The following TESK2 variants were observed in gnomAD, a reference collection of about 807,000 sequenced individuals.
The protein encoded by TESK2 is dual specificity testis-specific protein kinase 2.
In TESK2, 39 loss-of-function variants were observed where a neutral mutation model predicts 57.1. The observed-to-expected ratio is 0.68, with a 90% CI of 0.53 to 0.89. The LOEUF is 0.89. Among genes scored for constraint, TESK2 ranks in the 40% least tolerant of loss-of-function variants. TESK2 has a pLI of 0.00. For missense variants in TESK2, 646 were observed against 732.1 expected, an observed-to-expected ratio of 0.88 and a Z score of 1.36; for synonymous variants, 249 against 267.9, an observed-to-expected ratio of 0.93 and a Z score of 0.69.
chr1:45,467,021 G>C (rs1652580667), intron 1 of TESK2, among the ~76,000 whole-genome samples: 1 of 151,984 alleles, frequency 6.6e-6, no homozygotes, highest in Non-Finnish European at 1.5e-5. Context: ...AACTAAAAAT[G>C]AAGACACTAA....
intron 1 of TESK2, among the ~76,000 whole-genome samples, chr1:45,466,993 T>C (rs1652580171): frequency 6.6e-6 from 1 of 152,082 alleles, no homozygotes; most frequent in Non-Finnish European, 1.5e-5. Flanking sequence ...ATATTTATAG[T>C]GAACATCTAA....
At chr1:45,388,717 C>CA (rs746830629) in intron 3 of TESK2, among the ~76,000 whole-genome samples, 2 of 102,752 alleles carry the variant, frequency 1.9e-5, no homozygotes, top group African/African-American at 3.6e-5. Context: ...AGAGGTACGG[C>CA]TTTTTTTTTT....
chr1:45,487,650 C>CA (rs1280143844), intron 1 of TESK2, among the ~76,000 whole-genome samples: 1 of 152,136 alleles, frequency 6.6e-6, no homozygotes, highest in East Asian at 1.9e-4. Context: ...CTAAGTACAC[C>CA]AGCCTCCCTC....
intron 6 of TESK2, 87 bp from the exon 7 acceptor site, chr1:45,347,780 T>A (rs949473879): frequency 3.0e-5 from 45 of 1,503,524 alleles, no homozygotes; most frequent in Non-Finnish European, 3.9e-5. Flanking sequence ...CAAGGATGGG[T>A]ACAGACGAGG....
Position 45,346,992 on chromosome 1 carries a change from A to C in TESK2, c.779T>G (p.Leu260Arg), listed in dbSNP as rs1352112889. 4.3e-6 allele frequency: 7 copies of C among 1,614,068 alleles called. No homozygotes were observed. Among genetic ancestry groups the C allele is most frequent in the Non-Finnish European group, 5.9e-6 (7 of 1,180,022 alleles). ...IARIQADPDYLPRTENFGLDY... is the reference protein window; with the variant it reads ...IARIQADPDYRPRTENFGLDY... ...CTTGCAGCTCACCTCTGTGCGGGGA[A>C]GATAGTCCGGATCGGCCTGGATGCG... is the stretch of plus-strand genomic sequence containing the variant. The change falls in exon 8 of 11, where the codon CTT becomes CGT. Residue 260 changes from leucine to arginine, a missense_variant. Physicochemically the swap from Leu to Arg is moderately radical, Grantham distance 102 (BLOSUM62 -2). Transcript: ENST00000372086.
intron 1 of TESK2, among the ~76,000 whole-genome samples, chr1:45,466,757 C>T (rs1310547912): frequency 1.3e-5 from 2 of 150,850 alleles, no homozygotes; most frequent in Non-Finnish European, 3.0e-5. Flanking sequence ...GGGTTCAAAT[C>T]CTTGCTCCGT....
intron 4 of TESK2, among the ~76,000 whole-genome samples, chr1:45,375,466 C>T (rs904511185): frequency 2.3e-4 from 33 of 145,080 alleles, no homozygotes; most frequent in African/African-American, 8.0e-4. Context: ...AGCCCACCTT[C>T]TTAAATTTTA....
intron 1 of TESK2, among the ~76,000 whole-genome samples, chr1:45,479,494 C>A (rs1188564144): frequency 6.6e-6 from 1 of 151,518 alleles, no homozygotes; most frequent in East Asian, 1.9e-4. Flanking sequence ...TGCAATGGCT[C>A]AATCTCGACT....
chr1:45,460,573 G>A (rs1652294555), intron 1 of TESK2, among the ~76,000 whole-genome samples: 1 of 151,692 alleles, frequency 6.6e-6, no homozygotes, highest in South Asian at 2.1e-4. Context: ...CGGGTGCAGG[G>A]GCTCATTCCT....
chr1:45,357,240 A>T lies in TESK2; in HGVS notation c.394-1791T>A, dbSNP rs200717117. 1.0e-3 allele frequency among the ~76,000 whole-genome samples: 123 copies of T among 122,364 alleles called. 1 individual carries two copies. The East Asian group carries it at 0.011, about 11-fold the overall frequency. The allele number at this position is 122,364 out of a possible 152,430, so 80.3% of individuals were successfully genotyped here. A position where few individuals can be genotyped will look rare whatever the true frequency, so the allele number is the denominator to read the frequency against. On this transcript the variant is annotated intron_variant, in intron 4 of 10. Coordinates refer to ENST00000372086, the MANE Select transcript of TESK2 (RefSeq NM_007170.3). The stretch of plus-strand genomic sequence containing the variant: ...AAATAAATAAATAAATAAATAAATA[A>T]ATGTATGTATGTATGTATGTATGTT...
chr1:45,421,245 G>A (rs1200067319), intron 3 of TESK2, among the ~76,000 whole-genome samples: 1 of 152,102 alleles, frequency 6.6e-6, no homozygotes, highest in African/African-American at 2.4e-5. Flanking sequence ...GACAGAGTGA[G>A]ACCCTATCTC....
rs146354920 is a variant in TESK2 at position 45,453,750 on chromosome 1, A to C, written c.222+3814T>G. Among the ~76,000 whole-genome samples the C allele has an allele frequency of 2.2e-4, 33 of 152,286 alleles. No homozygotes were observed. In the East Asian group the frequency reaches 6.2e-3, roughly 28 times the overall value. ...GACACCATCATGGGAGTGAAAAGAC[A>C]AACTACAAATTGTGAGAAAATATTT... On this transcript the variant is annotated intron_variant, in intron 2 of 10. Coordinates refer to ENST00000372086, the MANE Select transcript of TESK2 (RefSeq NM_007170.3).
chr1:45,479,513 C>T (rs1490929211), intron 1 of TESK2, among the ~76,000 whole-genome samples: 3 of 151,712 alleles, frequency 2.0e-5, no homozygotes, highest in African/African-American at 7.3e-5. Context: ...CTCACTGCAA[C>T]CTCTGCCTCC....
In TESK2 at chr1:45,448,040, GT is replaced by G. The variant is rs548058248; in HGVS notation, c.222+9523del. 6.2e-3 allele frequency among the ~76,000 whole-genome samples: 842 copies of G among 134,740 alleles called. 11 individuals are homozygous for G. Among genetic ancestry groups the G allele is most frequent in the South Asian group, 7.5e-3 (32 of 4,242 alleles). The allele number at this position is 134,740 out of a possible 152,430, so 88.4% of individuals were successfully genotyped here. On this transcript the variant is annotated intron_variant, in intron 2 of 10. Coordinates refer to ENST00000372086, the MANE Select transcript of TESK2 (RefSeq NM_007170.3). ...GTGTGTGTGTGTGTGTGTGTATTTTGTTTTTTTTTTTTGGTAGAGACCTTGT... is the reference window on the plus strand; with the variant it reads ...GTGTGTGTGTGTGTGTGTGTATTTTGTTTTTTTTTTTGGTAGAGACCTTGT...
chr1:45,433,001 C>T (rs577952289), intron 2 of TESK2, among the ~76,000 whole-genome samples: 11 of 147,072 alleles, frequency 7.5e-5, no homozygotes, highest in Non-Finnish European at 1.3e-4. Flanking sequence ...TGAGCTTGGG[C>T]AATCTGCCCA....
chr1:45,458,234 T>C (rs1340846226), intron 1 of TESK2, among the ~76,000 whole-genome samples: 2 of 152,192 alleles, frequency 1.3e-5, no homozygotes, highest in African/African-American at 4.8e-5. Flanking sequence ...TATGTTCATT[T>C]CACAGAGAGA....
At chr1:45,423,562 A>G (rs1486310141) in intron 2 of TESK2, among the ~76,000 whole-genome samples, 3 of 19,788 alleles carry the variant, frequency 1.5e-4, no homozygotes, top group Non-Finnish European at 7.5e-4. Context: ...GTCTCGCGAA[A>G]AAAAAAAAAA....
At chr1:45,354,661 C>T (rs979471473) in intron 5 of TESK2, among the ~76,000 whole-genome samples, 1 of 149,856 alleles carries the variant, frequency 6.7e-6, no homozygotes, top group Non-Finnish European at 1.5e-5. Flanking sequence ...TGGTGGTGTA[C>T]GCCTGTGGTC....
At chr1:45,384,369 A>ATCTATCTGTCTGTCTG (rs1648782015) in intron 4 of TESK2, among the ~76,000 whole-genome samples, 1 of 134,772 alleles carries the variant, frequency 7.4e-6, no homozygotes, top group Non-Finnish European at 1.6e-5. Flanking sequence ...GTACGTATCT[A>ATCTATCTGTCTGTCTG]TCTATCTATC....
Sources: gnomAD v4.1 joint callset for allele counts (sites outside exome capture counted in the v4.1 genomes callset) on GRCh38, gnomAD v4.1.1 for gene constraint, MANE v1.5 for transcripts, NCBI Gene and HGNC (gene_info 2026-07-23, HGNC 2026-07-21) for gene names.